Variants in TRAPPC9 observed in about 807,000 individuals in gnomAD.
TRAPPC9 encodes the protein IKK2 binding protein.
Under a neutral mutation model 124.0 loss-of-function variants are expected in TRAPPC9, and 83 were observed. The observed-to-expected ratio is 0.67, with a 90% CI of 0.56 to 0.80. TRAPPC9 has a LOEUF of 0.80. TRAPPC9 is among the 30% of genes least tolerant of loss of function. The pLI is 0.00. For synonymous variants in TRAPPC9, 638 were observed against 617.5 expected (o/e 1.03, Z -0.49); for missense variants, 1,302 against 1,508.3 (o/e 0.86, Z 2.27).
chr8:140,435,310 C>A, intron 3 of TRAPPC9, 70 bp from the exon 4 acceptor site: 1 of 1,559,768 alleles, frequency 6.4e-7, no homozygotes, highest in Non-Finnish European at 8.8e-7. Flanking sequence ...TTAGTCAAGT[C>A]AGTGACCCTT....
At chr8:140,286,380 G>C (rs2065484422) in intron 13 of TRAPPC9, among the ~76,000 whole-genome samples, 1 of 152,188 alleles carries the variant, frequency 6.6e-6, no homozygotes, top group South Asian at 2.1e-4. Flanking sequence ...GAGATGTCAG[G>C]GGCATATTCA....
At position 140,063,284 on chromosome 8, in the gene TRAPPC9, GT is replaced by G. The variant is rs1842733469; in HGVS notation, c.2557-39206del. Among the ~76,000 whole-genome samples the G allele has an allele frequency of 6.6e-6, 1 of 152,212 alleles. No individual in the cohort carries two copies. Among genetic ancestry groups the G allele is most frequent in the African/African-American group, 2.4e-5 (1 of 41,452 alleles). On this transcript the variant is annotated intron_variant, in intron 17 of 22. Transcript: ENST00000438773. The surrounding 1 kb of genome is among the most constrained non-coding windows in gnomAD (Gnocchi z 4.3). ...TATCACCAACACATTTTGGTTTTCA[GT>G]TACTCCTCTTTGGCCCACGTGGCCT...
At chr8:140,194,827 C>A (rs1456948782) in intron 17 of TRAPPC9, among the ~76,000 whole-genome samples, 5 of 151,206 alleles carry the variant, frequency 3.3e-5, no homozygotes, top group Non-Finnish European at 7.4e-5. Context: ...TATCGTACAG[C>A]TCACACCTCT....
At chr8:139,758,623 C>T (rs551215877) in intron 21 of TRAPPC9, among the ~76,000 whole-genome samples, 1 of 152,144 alleles carries the variant, frequency 6.6e-6, no homozygotes, top group East Asian at 1.9e-4. Context: ...GAGCCAGGCT[C>T]CCTGAAGGAG....
chr8:140,204,988 G>A (rs1280129782), intron 17 of TRAPPC9, among the ~76,000 whole-genome samples: 1 of 152,212 alleles, frequency 6.6e-6, no homozygotes, highest in East Asian at 1.9e-4. Flanking sequence ...TTACGCTGGA[G>A]GAGCTTGCTC....
chr8:140,017,560 T>C (rs1298675605), intron 18 of TRAPPC9, among the ~76,000 whole-genome samples: 2 of 152,214 alleles, frequency 1.3e-5, no homozygotes, highest in African/African-American at 2.4e-5. Flanking sequence ...TTCTGGACTA[T>C]CTATTATGGT....
intron 15 of TRAPPC9, among the ~76,000 whole-genome samples, chr8:140,268,381 A>C (rs2064760992): frequency 6.6e-6 from 1 of 152,184 alleles, no homozygotes; most frequent in African/African-American, 2.4e-5. Flanking sequence ...AAGTGACAGG[A>C]ATTACTCCCT....
intron 19 of TRAPPC9, among the ~76,000 whole-genome samples, chr8:139,936,627 G>A (rs1217627559): frequency 6.6e-6 from 1 of 152,236 alleles, no homozygotes; most frequent in Non-Finnish European, 1.5e-5. Context: ...CAGGACGAGT[G>A]GGCACTGAGT....
chr8:140,375,711 C>T (rs1436532342), intron 7 of TRAPPC9, among the ~76,000 whole-genome samples: 1 of 152,208 alleles, frequency 6.6e-6, no homozygotes, highest in Non-Finnish European at 1.5e-5. Flanking sequence ...TTAGTTAATG[C>T]CTTTGACACC....
intron 17 of TRAPPC9, among the ~76,000 whole-genome samples, chr8:140,206,408 A>G (rs1052210321): frequency 2.0e-5 from 3 of 152,202 alleles, no homozygotes; most frequent in African/African-American, 7.2e-5. Context: ...TTATTTATAC[A>G]GCAATAATTT....
intron 17 of TRAPPC9, among the ~76,000 whole-genome samples, chr8:140,107,593 G>A (rs2060689886): frequency 6.6e-6 from 1 of 152,246 alleles, no homozygotes; most frequent in Admixed American, 6.5e-5. Context: ...CCTCTCAGAA[G>A]TGACACCTGA....
intron 16 of TRAPPC9, among the ~76,000 whole-genome samples, chr8:140,246,114 T>C (rs1189618277): frequency 1.3e-5 from 2 of 152,218 alleles, no homozygotes; most frequent in East Asian, 3.8e-4. Context: ...GGGCGAACAA[T>C]TCTCTCAAGT....
chr8:140,348,993 A>G (rs1254259480), intron 9 of TRAPPC9, among the ~76,000 whole-genome samples: 2 of 151,386 alleles, frequency 1.3e-5, no homozygotes. Context: ...ACAGACAGAA[A>G]AAGAGGACAG....
chr8:139,893,065 G>A (rs1212167582), intron 20 of TRAPPC9, among the ~76,000 whole-genome samples: 1 of 152,210 alleles, frequency 6.6e-6, no homozygotes, highest in African/African-American at 2.4e-5. Context: ...CCCTGTGGGA[G>A]TTAAACTCAC....
chr8:139,878,266 AG>A (rs774170036), intron 21 of TRAPPC9, among the ~76,000 whole-genome samples: 2 of 152,256 alleles, frequency 1.3e-5, no homozygotes, highest in Non-Finnish European at 2.9e-5. Flanking sequence ...GGGACACAGA[AG>A]TATAAATACA....
At chr8:140,229,756 C>T (rs982494152) in intron 16 of TRAPPC9, among the ~76,000 whole-genome samples, 1 of 151,894 alleles carries the variant, frequency 6.6e-6, no homozygotes, top group Non-Finnish European at 1.5e-5. Flanking sequence ...TGGGGTTTCA[C>T]CATGTTGGCC....
intron 17 of TRAPPC9, among the ~76,000 whole-genome samples, chr8:140,217,232 C>A (rs1453262390): frequency 6.6e-6 from 1 of 152,198 alleles, no homozygotes; most frequent in African/African-American, 2.4e-5. Flanking sequence ...CACATCTGGT[C>A]CACTGCAGAA....
chr8:139,963,952 C>T (rs188937390), intron 19 of TRAPPC9, among the ~76,000 whole-genome samples: 26 of 152,190 alleles, frequency 1.7e-4, no homozygotes, highest in African/African-American at 5.8e-4. Flanking sequence ...TAGCCAGGCA[C>T]GGTGGCTCAC....
At chr8:140,107,293 G>A (rs1238536690) in intron 17 of TRAPPC9, among the ~76,000 whole-genome samples, 2 of 152,160 alleles carry the variant, frequency 1.3e-5, no homozygotes, top group Non-Finnish European at 2.9e-5. Context: ...AGATCCACAG[G>A]AAGGTAGAAA....
Sources: gnomAD v4.1 joint callset for allele counts (sites outside exome capture counted in the v4.1 genomes callset) on GRCh38, gnomAD v4.1.1 for gene constraint, Gnocchi (gnomAD v3.1) non-coding constraint, MANE v1.5 for transcripts, NCBI Gene and HGNC (gene_info 2026-07-23, HGNC 2026-07-21) for gene names.